ZMAT4: variants seen among roughly 807,000 people sequenced by gnomAD.
The protein encoded by ZMAT4 is zinc finger matrin-type 4, also known as zinc finger matrin-type protein 4.
A neutral mutation model predicts 28.7 loss-of-function variants in ZMAT4; 17 were observed. The ratio of observed to expected loss-of-function variants is 0.59; its 90% CI spans 0.41 to 0.89. The LOEUF (loss-of-function observed/expected upper bound fraction) is 0.89, where lower values mean the gene tolerates loss of function less well. Among genes scored for constraint, ZMAT4 ranks in the 40% least tolerant of loss-of-function variants. The probability of loss-of-function intolerance (pLI) is 0.00; values close to 1 mark genes in which losing one functional copy is unlikely to be tolerated. For missense variants in ZMAT4, 240 were observed against 283.8 expected, an observed-to-expected ratio of 0.85 and a Z score of 1.11; for synonymous variants, 117 against 109.2, an observed-to-expected ratio of 1.07 and a Z score of -0.44.
At position 40,624,837 on chromosome 8, in the gene ZMAT4, G is replaced by A. The variant is rs1443242851; in HGVS notation, c.578-43576C>T. Among the ~76,000 whole-genome samples, 85 of 152,212 alleles carry A rather than the reference G, an allele frequency of 5.6e-4. 1 individual carries two copies. The highest frequency in any genetic ancestry group is 5.6e-3 in the Admixed American group (85 of 15,272). ...TCTGCACTTCCCACAGCCAGGCACT[G>A]ATCCAGCCACTGAGAATGCTGCCTT... is the stretch of plus-strand genomic sequence containing the variant. On this transcript the variant is annotated intron_variant, in intron 5 of 6. Coordinates refer to ENST00000297737, the MANE Select transcript of ZMAT4 (RefSeq NM_024645.3).
At chr8:40,637,924 G>A (rs1806857460) in intron 5 of ZMAT4, among the ~76,000 whole-genome samples, 1 of 152,204 alleles carries the variant, frequency 6.6e-6, no homozygotes, top group Non-Finnish European at 1.5e-5. Context: ...GATGAATCTA[G>A]AGAACATTAT....
chr8:40,846,328 T>C, intron 1 of ZMAT4, among the ~76,000 whole-genome samples: 1 of 152,064 alleles, frequency 6.6e-6, no homozygotes, highest in Non-Finnish European at 1.5e-5. Flanking sequence ...GAAGCCAGAT[T>C]CTCCCATTTC....
At chr8:40,604,142 G>T (rs750047615) in intron 5 of ZMAT4, among the ~76,000 whole-genome samples, 1 of 152,058 alleles carries the variant, frequency 6.6e-6, no homozygotes, top group African/African-American at 2.4e-5. Context: ...GGTTTTCTAG[G>T]TATACAATCC....
intron 1 of ZMAT4, among the ~76,000 whole-genome samples, chr8:40,875,785 T>TTGGTCC (rs1479367595): frequency 6.6e-6 from 1 of 151,992 alleles, no homozygotes; most frequent in Non-Finnish European, 1.5e-5. Flanking sequence ...GAGGAGGTCA[T>TTGGTCC]TGGTCCGCCC....
At chr8:40,663,675 T>C (rs1292480201) in intron 5 of ZMAT4, among the ~76,000 whole-genome samples, 3 of 152,176 alleles carry the variant, frequency 2.0e-5, no homozygotes, top group South Asian at 2.1e-4. Flanking sequence ...TGAGTCTACA[T>C]AGAACAGCTG....
At chr8:40,815,419 T>A (rs1474563493) in intron 2 of ZMAT4, among the ~76,000 whole-genome samples, 1 of 151,918 alleles carries the variant, frequency 6.6e-6, no homozygotes, top group African/African-American at 2.4e-5. Flanking sequence ...AAAAACAGAG[T>A]CAAGGGTCTA....
chr8:40,716,240 C>A (rs1451211392), intron 3 of ZMAT4, among the ~76,000 whole-genome samples: 2 of 123,220 alleles, frequency 1.6e-5, no homozygotes, highest in African/African-American at 6.8e-5. Flanking sequence ...TGAGAGCTTG[C>A]TGGACATGCA....
chr8:40,580,573 T>A (rs1804429987), intron 6 of ZMAT4, among the ~76,000 whole-genome samples: 1 of 152,186 alleles, frequency 6.6e-6, no homozygotes, highest in Non-Finnish European at 1.5e-5. Flanking sequence ...TGTCCAGTGG[T>A]TTTTAAAGAG....
intron 1 of ZMAT4, among the ~76,000 whole-genome samples, chr8:40,886,809 C>G (rs1818465288): frequency 6.6e-6 from 1 of 152,100 alleles, no homozygotes; most frequent in Non-Finnish European, 1.5e-5. Flanking sequence ...CGAAAATCCT[C>G]CTATCCTAAC....
intron 5 of ZMAT4, among the ~76,000 whole-genome samples, chr8:40,589,792 CTTTT>C (rs1804810407): frequency 1.0e-5 from 1 of 95,714 alleles, no homozygotes; most frequent in African/African-American, 3.9e-5. Context: ...TCTTTCTTTT[CTTTT>C]TCTTTGTCTT....
chr8:40,675,959 T>C (rs1047030306), intron 4 of ZMAT4, among the ~76,000 whole-genome samples: 1 of 152,214 alleles, frequency 6.6e-6, no homozygotes, highest in Admixed American at 6.5e-5. Context: ...TACTGTGAGC[T>C]TAGGATTATT....
At chr8:40,768,776 T>C (rs1813268160) in intron 2 of ZMAT4, among the ~76,000 whole-genome samples, 2 of 152,206 alleles carry the variant, frequency 1.3e-5, no homozygotes, top group South Asian at 4.1e-4. Context: ...GTTGACTGCA[T>C]CACCTCTCGA....
chr8:40,778,084 TAAAC>T (rs1423059649), intron 2 of ZMAT4, among the ~76,000 whole-genome samples: 1 of 152,106 alleles, frequency 6.6e-6, no homozygotes, highest in Non-Finnish European at 1.5e-5. Flanking sequence ...AAACACAACT[TAAAC>T]AAAACTCGCT....
At chr8:40,649,063 C>T (rs1389175081) in intron 5 of ZMAT4, among the ~76,000 whole-genome samples, 3 of 149,886 alleles carry the variant, frequency 2.0e-5, no homozygotes, top group African/African-American at 7.3e-5. Context: ...GGATCAAATT[C>T]ATATATAACA....
chr8:40,795,344 G>T (rs1443611374), intron 2 of ZMAT4, among the ~76,000 whole-genome samples: 1 of 152,128 alleles, frequency 6.6e-6, no homozygotes, highest in Admixed American at 6.5e-5. Context: ...ACCTCACGAG[G>T]TCTGTCCATC....
At chr8:40,781,380 G>C (rs1026602161) in intron 2 of ZMAT4, among the ~76,000 whole-genome samples, 1 of 152,160 alleles carries the variant, frequency 6.6e-6, no homozygotes, top group East Asian at 1.9e-4. Context: ...ACACTCCCCA[G>C]TTCAAAACTT....
chr8:40,674,676 T>C (rs375071629), intron 5 of ZMAT4, 28 bp downstream of exon 5: 4 of 1,582,506 alleles, frequency 2.5e-6, no homozygotes, highest in Non-Finnish European at 3.5e-6. Flanking sequence ...CCCAGTTTTG[T>C]GGCAGAAGTG....
intron 2 of ZMAT4, among the ~76,000 whole-genome samples, chr8:40,782,835 A>G (rs562711667): frequency 1.3e-5 from 2 of 152,238 alleles, no homozygotes; most frequent in Admixed American, 6.5e-5. Context: ...AATATTCACC[A>G]TCATTGGTCA....
intron 6 of ZMAT4, among the ~76,000 whole-genome samples, chr8:40,537,276 C>T (rs1687427420): frequency 6.6e-6 from 1 of 152,126 alleles, no homozygotes; most frequent in South Asian, 2.1e-4. Context: ...GTTCAGTTGA[C>T]ACCTCTGAGA....
Sources: allele counts gnomAD v4.1 joint callset (sites outside exome capture counted in the v4.1 genomes callset), GRCh38; gene constraint gnomAD v4.1.1; transcripts MANE v1.5; gene names NCBI Gene and HGNC (gene_info 2026-07-23, HGNC 2026-07-21).